Variants in MTNR1A observed in about 807,000 individuals in gnomAD.
MTNR1A encodes melatonin receptor type 1A.
A neutral mutation model predicts 5.5 loss-of-function variants in MTNR1A; 7 were observed. The observed-to-expected ratio is 1.28, with a 90% CI of 0.73 to 2.40. The LOEUF (loss-of-function observed/expected upper bound fraction) is 2.40, where lower values mean the gene tolerates loss of function less well. MTNR1A is among the 30% of genes most tolerant of loss of function. The pLI, the probability that MTNR1A is intolerant of heterozygous loss-of-function variation, is 0.00. For synonymous variants in MTNR1A, 196 were observed against 202.7 expected, an observed-to-expected ratio of 0.97 and a Z score of 0.28; for missense variants, 441 against 464.4, an observed-to-expected ratio of 0.95 and a Z score of 0.46.
intron 1 of MTNR1A, among the ~76,000 whole-genome samples, chr4:186,548,840 TATATATACAC>T (rs1737210298): frequency 1.1e-5 from 1 of 92,992 alleles, no homozygotes. Context: ...TATATATATA[TATATATACAC>T]TATATATGTA....
At chr4:186,541,218 A>G (rs1046570564) in intron 1 of MTNR1A, among the ~76,000 whole-genome samples, 4 of 152,190 alleles carry the variant, frequency 2.6e-5, no homozygotes, top group African/African-American at 9.6e-5. Flanking sequence ...GCAGCACTAC[A>G]GACCCAATTC....
chr4:186,536,617 C>T (rs1164516443), intron 1 of MTNR1A, among the ~76,000 whole-genome samples: 1 of 152,148 alleles, frequency 6.6e-6, no homozygotes, highest in Non-Finnish European at 1.5e-5. Context: ...TGCTCATACA[C>T]TCAATGAGTT....
chr4:186,540,053 T>A (rs1433552752), intron 1 of MTNR1A, among the ~76,000 whole-genome samples: 1 of 152,156 alleles, frequency 6.6e-6, no homozygotes, highest in Non-Finnish European at 1.5e-5. Context: ...GAAGAGCAAG[T>A]CACATCTTAC....
At position 186,555,337 on chromosome 4, in the gene MTNR1A, T is replaced by C. The variant is rs1051990149; in HGVS notation, c.29A>G (p.Asn10Ser). Residue 10 changes from asparagine to serine, a missense_variant, in exon 1 of 2, where the codon AAC becomes AGC. Asn to Ser is a conservative substitution (Grantham distance 46, BLOSUM62 1). Transcript: ENST00000307161. This position sits in a 1 kb window ranked among gnomAD's most constrained non-coding sequence, Gnocchi z 4.1. MQGNGSALP[N>S]ASQPVLRGDG... ...CCCGCGGAGCACGGGCTGGGAGGCG[T>C]TGGGCAGCGCGCTGCCGTTGCCCTG... The C allele has an allele frequency of 1.6e-5, 24 of 1,543,280 alleles. No individual in the cohort carries two copies. The highest frequency in any genetic ancestry group is 2.1e-5 in the Non-Finnish European group (24 of 1,144,026).
chr4:186,539,048 C>T (rs374533872), intron 1 of MTNR1A, among the ~76,000 whole-genome samples: 3 of 151,910 alleles, frequency 2.0e-5, no homozygotes, highest in African/African-American at 7.3e-5. Context: ...GAAACCCCAT[C>T]TCTACTAAAA....
intron 1 of MTNR1A, among the ~76,000 whole-genome samples, chr4:186,549,185 A>G (rs1737217595): frequency 6.6e-6 from 1 of 152,252 alleles, no homozygotes; most frequent in Non-Finnish European, 1.5e-5. Flanking sequence ...GAGGGAATGA[A>G]TGCAGGAAGG....
In MTNR1A at chr4:186,555,345, C is replaced by T. The variant is rs757366598; in HGVS notation, c.21G>A (p.Ala7=). 93 of 1,541,254 alleles carry T rather than the reference C, an allele frequency of 6.0e-5. No homozygotes were observed. In the Middle Eastern group the frequency reaches 9.2e-4, roughly 15 times the overall value. Residue 7 remains alanine, a synonymous_variant, in exon 1 of 2, where the codon GCG becomes GCA. Coordinates refer to ENST00000307161, the MANE Select transcript of MTNR1A (RefSeq NM_005958.4). The surrounding 1 kb of genome is among the most constrained non-coding windows in gnomAD (Gnocchi z 4.1). The part of the protein sequence containing the change: MQGNGS[A]LPNASQPVLR... Reference sequence around the variant, plus strand: ...GCACGGGCTGGGAGGCGTTGGGCAGCGCGCTGCCGTTGCCCTGCATGGTCC... The same window carrying T: ...GCACGGGCTGGGAGGCGTTGGGCAGTGCGCTGCCGTTGCCCTGCATGGTCC...
At chr4:186,536,324 T>C (rs551527809) in intron 1 of MTNR1A, among the ~76,000 whole-genome samples, 41 of 148,394 alleles carry the variant, frequency 2.8e-4, no homozygotes, top group African/African-American at 9.7e-4. Flanking sequence ...CCAGCCTGGG[T>C]GACAAGAGCA....
chr4:186,548,642 G>A (rs1013199417), intron 1 of MTNR1A, among the ~76,000 whole-genome samples: 2 of 151,598 alleles, frequency 1.3e-5, no homozygotes, highest in South Asian at 4.2e-4. Flanking sequence ...TGAGGAAACT[G>A]AGCAAATTAG....
rs71595106 is a variant in MTNR1A, at chr4:186,548,810, GATATATATAT to G, written c.184+6362_184+6371del. Reference sequence around the variant, plus strand: ...AGATAAGGAATGCTTAATCTATAAAGATATATATATATATATATATATATATATATATATA... The same window carrying G: ...AGATAAGGAATGCTTAATCTATAAAGATATATATATATATATATATATATA... On this transcript the variant is annotated intron_variant, in intron 1 of 1. Coordinates refer to ENST00000307161, the MANE Select transcript of MTNR1A (RefSeq NM_005958.4). Among the ~76,000 whole-genome samples, 51 of 54,596 alleles carry G rather than the reference GATATATATAT, an allele frequency of 9.3e-4. 1 individual carries two copies. The highest frequency in any genetic ancestry group is 3.0e-3 in the African/African-American group (47 of 15,566). 35.8% of individuals were successfully genotyped at this position (54,596 alleles called of 152,430 possible).
At chr4:186,540,896 G>GAC (rs1560895041) in intron 1 of MTNR1A, among the ~76,000 whole-genome samples, 2 of 148,940 alleles carry the variant, frequency 1.3e-5, no homozygotes, top group African/African-American at 5.1e-5. Context: ...GGTGCTGTCT[G>GAC]TCTGAAGGAC....
At position 186,555,346 on chromosome 4, in the gene MTNR1A, G is replaced by A; in HGVS notation, c.20C>T (p.Ala7Val). Reference sequence around the variant, plus strand: ...CACGGGCTGGGAGGCGTTGGGCAGCGCGCTGCCGTTGCCCTGCATGGTCCC... The same window carrying A: ...CACGGGCTGGGAGGCGTTGGGCAGCACGCTGCCGTTGCCCTGCATGGTCCC... MQGNGS[A>V]LPNASQPVLR... is the part of the protein sequence containing the mutation. The change falls in exon 1 of 2, where the codon GCG becomes GTG. Residue 7 changes from alanine (A) to valine (V), a missense_variant. Transcript: ENST00000307161. This position sits in a 1 kb window ranked among gnomAD's most constrained non-coding sequence, Gnocchi z 4.1. The A allele has an allele frequency of 6.5e-7, 1 of 1,541,472 alleles. No individual in the cohort carries two copies. Among genetic ancestry groups the A allele is most frequent in the South Asian group, 1.2e-5 (1 of 83,298 alleles).
intron 1 of MTNR1A, 80 bp from the exon 2 acceptor site, chr4:186,534,637 G>A (rs1560892443): frequency 6.5e-7 from 1 of 1,527,530 alleles, no homozygotes; most frequent in Non-Finnish European, 8.9e-7. Flanking sequence ...AGAAGGAGCT[G>A]CTTCTGCAGC....
chr4:186,546,928 C>T (rs1737161361), intron 1 of MTNR1A, among the ~76,000 whole-genome samples: 1 of 109,430 alleles, frequency 9.1e-6, no homozygotes, highest in African/African-American at 3.9e-5. Flanking sequence ...CTGGGACACA[C>T]CGTCCACACC....
chr4:186,548,824 TATATATATATATATATATATATAC>T lies in MTNR1A; in HGVS notation c.184+6334_184+6357del, dbSNP rs199843641. On this transcript the variant is annotated intron_variant, in intron 1 of 1. Transcript: ENST00000307161. The stretch of plus-strand genomic sequence containing the variant: ...TAATCTATAAAGATATATATATATA[TATATATATATATATATATATATAC>T]ACTATATATGTAAAACAATCTTTTA... Among the ~76,000 whole-genome samples the T allele has an allele frequency of 8.7e-3, 777 of 89,492 alleles. 28 individuals are homozygous for T. The highest frequency in any genetic ancestry group is 0.031 in the African/African-American group (690 of 22,554). The allele number at this position is 89,492 out of a possible 152,430, so 58.7% of individuals were successfully genotyped here. A position where few individuals can be genotyped will look rare whatever the true frequency, so the allele number is the denominator to read the frequency against.
intron 1 of MTNR1A, among the ~76,000 whole-genome samples, chr4:186,543,571 T>C (rs1323269209): frequency 6.6e-6 from 1 of 152,210 alleles, no homozygotes; most frequent in Non-Finnish European, 1.5e-5. Flanking sequence ...TTGTGTCTCT[T>C]TCCCTCTGCT....
chr4:186,546,078 C>G (rs1323729145), intron 1 of MTNR1A, among the ~76,000 whole-genome samples: 1 of 152,200 alleles, frequency 6.6e-6, no homozygotes, highest in African/African-American at 2.4e-5. Flanking sequence ...TCACAGCTTC[C>G]CACAGCCTCA....
Position 186,534,239 on chromosome 4 carries a change from A to G in MTNR1A, c.503T>C (p.Leu168Pro). The G allele has an allele frequency of 6.2e-7, 1 of 1,614,106 alleles. No individual in the cohort carries two copies. Among genetic ancestry groups the G allele is most frequent in the Non-Finnish European group, 8.5e-7 (1 of 1,180,008 alleles). ...CGAGTAGATCCTCGGGTCGTACTGG[A>G]GAGTCCCTGCACGGAGGTTGGGCAG... The part of the protein sequence containing the change: ...AVLPNLRAGT[L>P]QYDPRIYSCT... Residue 168 changes from leucine to proline, a missense_variant, in exon 2 of 2, where the codon CTC (leucine) becomes CCC (proline). Coordinates refer to ENST00000307161, the MANE Select transcript of MTNR1A (RefSeq NM_005958.4).
At chr4:186,537,336 TA>T (rs781051721) in intron 1 of MTNR1A, among the ~76,000 whole-genome samples, 3 of 152,156 alleles carry the variant, frequency 2.0e-5, no homozygotes, top group Non-Finnish European at 2.9e-5. Flanking sequence ...TAAGAGTCAT[TA>T]AATCATCTAA....
Sources: gnomAD v4.1 joint callset for allele counts (sites outside exome capture counted in the v4.1 genomes callset) on GRCh38, gnomAD v4.1.1 for gene constraint, Gnocchi (gnomAD v3.1) non-coding constraint, MANE v1.5 for transcripts, NCBI Gene and HGNC (gene_info 2026-07-23, HGNC 2026-07-21) for gene names.